Variants in DCC observed in about 807,000 individuals in gnomAD.
DCC encodes the protein DCC netrin 1 receptor.
A neutral mutation model predicts 172.5 loss-of-function variants in DCC; 58 were observed. That is an observed-to-expected ratio of 0.34 (90% confidence interval 0.27 to 0.42). The LOEUF is 0.42. DCC is among the 10% of genes least tolerant of loss of function. The probability of loss-of-function intolerance (pLI) is 1.00; values close to 1 mark genes in which losing one functional copy is unlikely to be tolerated. For missense variants in DCC, 1,740 were observed against 1,791.0 expected (o/e 0.97, Z 0.51); for synonymous variants, 709 against 644.5 (o/e 1.10, Z -1.52).
chr18:52,477,528 T>C (rs148701393), intron 1 of DCC, among the ~76,000 whole-genome samples: 262 of 152,308 alleles, frequency 1.7e-3, no homozygotes, highest in African/African-American at 5.5e-3. Context: ...TTCTCATGCA[T>C]GATTTGCCTG....
At chr18:53,349,769 A>C (rs1223679326) in intron 15 of DCC, among the ~76,000 whole-genome samples, 2 of 152,184 alleles carry the variant, frequency 1.3e-5, no homozygotes, top group Non-Finnish European at 2.9e-5. Context: ...TCACGAGAGC[A>C]ATGCAGGAAA....
intron 5 of DCC, among the ~76,000 whole-genome samples, chr18:52,956,512 CTTGAAA>C (rs1412931260): frequency 6.6e-6 from 1 of 152,016 alleles, no homozygotes; most frequent in Non-Finnish European, 1.5e-5. Context: ...AGTAGTAAAT[CTTGAAA>C]TTGAACAGTG....
At chr18:53,351,320 G>GTATATATATA (rs201328758) in intron 15 of DCC, among the ~76,000 whole-genome samples, 6 of 29,632 alleles carry the variant, frequency 2.0e-4, no homozygotes, top group Non-Finnish European at 2.6e-4. Flanking sequence ...TATATACACT[G>GTATATATATA]TATATATATA....
chr18:53,375,556 A>T (rs1192361602), intron 15 of DCC, among the ~76,000 whole-genome samples: 1 of 150,854 alleles, frequency 6.6e-6, no homozygotes, highest in African/African-American at 2.4e-5. Flanking sequence ...AACAATATTT[A>T]TATTTCTTAA....
chr18:52,847,465 T>C (rs1204068975), intron 2 of DCC, among the ~76,000 whole-genome samples: 1 of 152,190 alleles, frequency 6.6e-6, no homozygotes, highest in Non-Finnish European at 1.5e-5. Flanking sequence ...AGAACAAATA[T>C]ATTTCATTAT....
intron 1 of DCC, among the ~76,000 whole-genome samples, chr18:52,434,165 T>A (rs1480005035): frequency 6.6e-6 from 1 of 152,224 alleles, no homozygotes; most frequent in Admixed American, 6.5e-5. Context: ...AAAACTGTAA[T>A]CCTTGGATTT....
At chr18:52,903,192 G>A (rs984652380) in intron 2 of DCC, among the ~76,000 whole-genome samples, 5 of 152,074 alleles carry the variant, frequency 3.3e-5, no homozygotes, top group Non-Finnish European at 7.4e-5. Flanking sequence ...TAAAATAGAT[G>A]TTTAATTTTC....
At chr18:52,573,471 T>C (rs2033346366) in intron 1 of DCC, among the ~76,000 whole-genome samples, 1 of 152,234 alleles carries the variant, frequency 6.6e-6, no homozygotes, top group East Asian at 1.9e-4. Flanking sequence ...TTTTTTATTA[T>C]GTTCTCACAA....
intron 5 of DCC, among the ~76,000 whole-genome samples, chr18:52,975,393 C>G (rs965944479): frequency 1.3e-5 from 2 of 152,030 alleles, no homozygotes; most frequent in Non-Finnish European, 2.9e-5. Flanking sequence ...CAGGGGTACT[C>G]GTGCGGGTTT....
intron 1 of DCC, among the ~76,000 whole-genome samples, chr18:52,585,272 T>C (rs2033644368): frequency 6.6e-6 from 1 of 152,186 alleles, no homozygotes; most frequent in Non-Finnish European, 1.5e-5. Flanking sequence ...TGTTACATCA[T>C]ACATGTAGCC....
chr18:52,496,910 G>A (rs1204023632), intron 1 of DCC, among the ~76,000 whole-genome samples: 1 of 151,716 alleles, frequency 6.6e-6, no homozygotes, highest in African/African-American at 2.4e-5. Flanking sequence ...AAAAAAAACA[G>A]ATTTGAATAG....
At chr18:53,414,565 T>C (rs958177084) in intron 20 of DCC, among the ~76,000 whole-genome samples, 2 of 152,146 alleles carry the variant, frequency 1.3e-5, no homozygotes, top group Admixed American at 6.6e-5. Context: ...ATTATAAACA[T>C]TGGCCGGGCG....
At chr18:52,837,063 C>A (rs529536093) in intron 2 of DCC, among the ~76,000 whole-genome samples, 1 of 152,322 alleles carries the variant, frequency 6.6e-6, no homozygotes, top group Non-Finnish European at 1.5e-5. Context: ...ATGGCCCAAG[C>A]TGTACCGTAG....
intron 7 of DCC, among the ~76,000 whole-genome samples, chr18:53,091,954 A>G (rs776275672): frequency 6.6e-6 from 1 of 151,994 alleles, no homozygotes; most frequent in African/African-American, 2.4e-5. Flanking sequence ...TAGCAAAACT[A>G]TGGGACTGAA....
In DCC at chr18:52,501,415, AAGT is replaced by A. The variant is rs549643127; in HGVS notation, c.91+160540_91+160542del. 6.6e-5 allele frequency among the ~76,000 whole-genome samples: 10 copies of A among 152,296 alleles called. No homozygotes were observed. In the South Asian group the frequency reaches 2.1e-3, roughly 32 times the overall value. Reference sequence around the variant, plus strand: ...TGCACACCTTATATGAATGTATCACAAGTAGCTGAATGCCTTTACGTTGTCTCT... The same window carrying A: ...TGCACACCTTATATGAATGTATCACAAGCTGAATGCCTTTACGTTGTCTCT... On this transcript the variant is annotated intron_variant, in intron 1 of 28. Transcript: ENST00000442544.
intron 15 of DCC, among the ~76,000 whole-genome samples, chr18:53,359,702 A>T (rs1257212594): frequency 2.6e-5 from 4 of 152,184 alleles, no homozygotes; most frequent in Admixed American, 1.3e-4. Flanking sequence ...TTATTATTTA[A>T]TTAATCCTAG....
intron 7 of DCC, among the ~76,000 whole-genome samples, chr18:53,104,494 C>G (rs1364737300): frequency 6.6e-6 from 1 of 151,988 alleles, no homozygotes; most frequent in African/African-American, 2.4e-5. Context: ...GGAGGCCTCC[C>G]CAGCCATGTG....
chr18:52,596,030 C>G (rs994025725), intron 1 of DCC, among the ~76,000 whole-genome samples: 1 of 152,190 alleles, frequency 6.6e-6, no homozygotes, highest in African/African-American at 2.4e-5. Context: ...AGGTTACAAC[C>G]TGTACAGACT....
At chr18:52,397,014 A>G (rs1412150315) in intron 1 of DCC, among the ~76,000 whole-genome samples, 1 of 152,044 alleles carries the variant, frequency 6.6e-6, no homozygotes, top group African/African-American at 2.4e-5. Context: ...TGTGTATAGA[A>G]AGGTATTTTC....
Sources: allele counts gnomAD v4.1 joint callset (sites outside exome capture counted in the v4.1 genomes callset), GRCh38; gene constraint gnomAD v4.1.1; transcripts MANE v1.5; gene names NCBI Gene and HGNC (gene_info 2026-07-23, HGNC 2026-07-21).